CD2AP: variants seen among roughly 807,000 people sequenced by gnomAD.
CD2AP encodes CD2-associated protein.
In CD2AP, 46 loss-of-function variants were observed where a neutral mutation model predicts 85.1. That is an observed-to-expected ratio of 0.54 (90% CI 0.43 to 0.69). CD2AP has a LOEUF of 0.69. Among genes scored for constraint, CD2AP ranks in the 30% least tolerant of loss-of-function variants. The pLI, the probability that CD2AP is intolerant of heterozygous loss-of-function variation, is 0.00. For synonymous variants in CD2AP, 255 were observed against 252.9 expected (o/e 1.01, Z -0.08); for missense variants, 769 against 729.5 (o/e 1.05, Z -0.62).
chr6:47,556,037 C>A (rs1582554201), intron 5 of CD2AP, among the ~76,000 whole-genome samples: 2 of 147,056 alleles, frequency 1.4e-5, no homozygotes, highest in Non-Finnish European at 1.5e-5. Flanking sequence ...TAAAAGAATG[C>A]AATTTTTTTT....
At chr6:47,514,778 G>A (rs947662619) in intron 2 of CD2AP, among the ~76,000 whole-genome samples, 5 of 152,162 alleles carry the variant, frequency 3.3e-5, no homozygotes, top group African/African-American at 4.8e-5. Flanking sequence ...TAGGCTGGGC[G>A]CAGTGGCTCA....
At chr6:47,567,533 T>C (rs538173206) in intron 5 of CD2AP, among the ~76,000 whole-genome samples, 29 of 152,126 alleles carry the variant, frequency 1.9e-4, no homozygotes, top group Admixed American at 7.2e-4. Context: ...AAAAAGTGAT[T>C]GTAATTTAGC....
intron 3 of CD2AP, among the ~76,000 whole-genome samples, chr6:47,535,214 C>G (rs1767001506): frequency 6.6e-6 from 1 of 152,056 alleles, no homozygotes; most frequent in Non-Finnish European, 1.5e-5. Context: ...AAGGTCATTG[C>G]CAAGGTCTGA....
At chr6:47,589,379 T>TATACACACACACACACACACACAC (rs144886557) in intron 11 of CD2AP, among the ~76,000 whole-genome samples, 6,509 of 139,302 alleles carry the variant, frequency 0.047, 222 homozygotes, top group East Asian at 0.06. Context: ...CTCTTGAATA[T>TATACACACACACACACACACACAC]ACACACACAC....
At chr6:47,583,851 A>G (rs1768549761) in intron 11 of CD2AP, among the ~76,000 whole-genome samples, 1 of 152,212 alleles carries the variant, frequency 6.6e-6, no homozygotes, top group Admixed American at 6.5e-5. Flanking sequence ...ACTTCTTCCA[A>G]TGTGGCTGAA....
intron 17 of CD2AP, among the ~76,000 whole-genome samples, chr6:47,623,096 T>G (rs1302882790): frequency 6.6e-6 from 1 of 152,214 alleles, no homozygotes; most frequent in African/African-American, 2.4e-5. Flanking sequence ...CCAGTGCTGC[T>G]AAAACATTGA....
At chr6:47,568,320 G>A (rs1768057461) in intron 5 of CD2AP, among the ~76,000 whole-genome samples, 1 of 152,168 alleles carries the variant, frequency 6.6e-6, no homozygotes, top group Non-Finnish European at 1.5e-5. Context: ...TTAAATTTGA[G>A]GCTTGTAGGG....
rs772873365 is a variant in CD2AP, at chr6:47,550,953, G to A, written c.421-3693G>A. ...AGGAATGAAAAACCAAACATCATAT[G>A]TTCTCACTTGTAAGTGGGAGCTAAG... On this transcript the variant is annotated intron_variant, in intron 4 of 17. Transcript: ENST00000359314. 2.0e-5 allele frequency among the ~76,000 whole-genome samples: 3 copies of A among 152,182 alleles called. 1 individual carries two copies. Among genetic ancestry groups the A allele is most frequent in the Non-Finnish European group, 1.5e-5 (1 of 68,040 alleles).
At chr6:47,579,523 G>A (rs1445547832) in intron 9 of CD2AP, 34 bp downstream of exon 9, 2 of 1,319,824 alleles carry the variant, frequency 1.5e-6, no homozygotes, top group Non-Finnish European at 2.2e-6. Flanking sequence ...GATAATACTT[G>A]AAAGAACATT....
intron 2 of CD2AP, among the ~76,000 whole-genome samples, chr6:47,510,339 C>T (rs1472799577): frequency 6.6e-6 from 1 of 152,154 alleles, no homozygotes; most frequent in Non-Finnish European, 1.5e-5. Context: ...GCCGTGAGTA[C>T]ATCCAGTGCC....
intron 4 of CD2AP, among the ~76,000 whole-genome samples, chr6:47,551,313 A>G (rs1340281090): frequency 2.0e-5 from 3 of 152,226 alleles, no homozygotes; most frequent in South Asian, 2.1e-4. Flanking sequence ...ACCATGTATT[A>G]TAGCACAGAT....
intron 17 of CD2AP, among the ~76,000 whole-genome samples, chr6:47,623,025 A>G (rs1342250295): frequency 6.6e-6 from 1 of 152,212 alleles, no homozygotes; most frequent in African/African-American, 2.4e-5. Flanking sequence ...CTTTAATAAC[A>G]GATCGGGCTG....
At chr6:47,544,834 A>G (rs972361571) in intron 4 of CD2AP, 128 bp downstream of exon 4, 27 of 665,720 alleles carry the variant, frequency 4.1e-5, no homozygotes, top group Admixed American at 1.7e-4. Flanking sequence ...AATGGTATAG[A>G]GTTTCTTTAC....
At position 47,595,976 on chromosome 6, in the gene CD2AP, G is replaced by A. The variant is rs1205819352; in HGVS notation, c.1224G>A (p.Val408=). The part of the protein sequence containing the change: ...ASNLLRSSGT[V]YPKRPEKPVP... ...ATTTACTGAGATCTTCTGGAACAGTGTACCCAAAGCGACCTGAAAAACCAG... is the reference window on the plus strand; with the variant it reads ...ATTTACTGAGATCTTCTGGAACAGTATACCCAAAGCGACCTGAAAAACCAG... The change falls in exon 12 of 18, where the codon GTG becomes GTA. Residue 408 remains valine (V), a synonymous_variant. Transcript: ENST00000359314. 2 of 1,612,794 alleles carry A rather than the reference G, an allele frequency of 1.2e-6. No individual in the cohort carries two copies. The highest frequency in any genetic ancestry group is 2.7e-5 in the African/African-American group (2 of 74,820).
intron 13 of CD2AP, among the ~76,000 whole-genome samples, chr6:47,603,539 A>G (rs762663715): frequency 5.3e-5 from 8 of 152,232 alleles, no homozygotes; most frequent in South Asian, 2.1e-4. Flanking sequence ...ATGCATATTG[A>G]AATTAATACT....
chr6:47,503,592 G>A, intron 2 of CD2AP, 152 bp downstream of exon 2: 1 of 706,196 alleles, frequency 1.4e-6, no homozygotes, highest in Non-Finnish European at 2.4e-6. Context: ...CTCTATAATG[G>A]ATATCATTGT....
chr6:47,548,484 T>C lies in CD2AP; in HGVS notation c.420+3778T>C, dbSNP rs142569516. On this transcript the variant is annotated intron_variant, in intron 4 of 17. Coordinates refer to ENST00000359314, the MANE Select transcript of CD2AP (RefSeq NM_012120.3). ...TGGCTGAATTCCTGTAAAGATACAA[T>C]CCTCCTTGATTAAATCAGGAAGAAT... Among the ~76,000 whole-genome samples, 115 of 152,104 alleles carry C rather than the reference T, an allele frequency of 7.6e-4. 1 individual carries two copies. Among genetic ancestry groups the C allele is most frequent in the South Asian group, 1.9e-3 (9 of 4,818 alleles).
chr6:47,622,609 T>C (rs973534603), intron 17 of CD2AP, among the ~76,000 whole-genome samples: 4 of 152,174 alleles, frequency 2.6e-5, no homozygotes, highest in Non-Finnish European at 4.4e-5. Flanking sequence ...AGACCTTCAG[T>C]TTCTCCAGTG....
chr6:47,618,913 AG>A (rs1769670705), intron 17 of CD2AP, among the ~76,000 whole-genome samples: 1 of 152,180 alleles, frequency 6.6e-6, no homozygotes, highest in Non-Finnish European at 1.5e-5. Flanking sequence ...AAGGCACTAA[AG>A]TTTTAGAATA....
Sources: allele counts gnomAD v4.1 joint callset (sites outside exome capture counted in the v4.1 genomes callset), GRCh38; gene constraint gnomAD v4.1.1; transcripts MANE v1.5; gene names NCBI Gene and HGNC (gene_info 2026-07-23, HGNC 2026-07-21).